CACNA1C: variants seen among roughly 807,000 people sequenced by gnomAD.
The protein encoded by CACNA1C is voltage-dependent L-type calcium channel subunit alpha-1C.
CACNA1C carries 30 observed loss-of-function variants against 229.0 expected under a neutral mutation model. The ratio of observed to expected loss-of-function variants is 0.13; its 90% CI spans 0.10 to 0.18. The LOEUF (loss-of-function observed/expected upper bound fraction) is 0.18, where lower values mean the gene tolerates loss of function less well. Among genes scored for constraint, CACNA1C ranks in the 10% least tolerant of loss-of-function variants. The pLI is 1.00. For missense variants in CACNA1C, 1,658 were observed against 2,845.0 expected (o/e 0.58, Z 9.49); for synonymous variants, 1,114 against 1,132.5 (o/e 0.98, Z 0.33).
intron 1 of CACNA1C, among the ~76,000 whole-genome samples, chr12:2,106,021 C>T (rs1484203171): frequency 2.2e-5 from 1 of 45,372 alleles, no homozygotes. Context: ...GGAGGGTTTC[C>T]ACCTCAGCTG....
At chr12:2,137,821 G>C (rs1057238243) in intron 3 of CACNA1C, among the ~76,000 whole-genome samples, 1 of 151,442 alleles carries the variant, frequency 6.6e-6, no homozygotes, top group Non-Finnish European at 1.5e-5. Context: ...GATGGGTGGT[G>C]AGTGGTGTGG....
chr12:2,542,572 G>A (rs1314490815), intron 9 of CACNA1C, among the ~76,000 whole-genome samples: 1 of 152,164 alleles, frequency 6.6e-6, no homozygotes, highest in East Asian at 1.9e-4. Flanking sequence ...CCCTCAGAGG[G>A]TTTGCTAACC....
chr12:2,577,551 G>C (rs1211566766), intron 13 of CACNA1C, among the ~76,000 whole-genome samples: 1 of 152,218 alleles, frequency 6.6e-6, no homozygotes, highest in Non-Finnish European at 1.5e-5. Flanking sequence ...GAATAGGAAG[G>C]CTATGGGAGC....
intron 5 of CACNA1C, among the ~76,000 whole-genome samples, chr12:2,470,823 G>A (rs1395989590): frequency 6.6e-6 from 1 of 152,130 alleles, no homozygotes; most frequent in Non-Finnish European, 1.5e-5. Flanking sequence ...GATCAGAGAA[G>A]GGGACCTTCT....
At chr12:2,587,604 TA>T (rs936229743) in intron 18 of CACNA1C, among the ~76,000 whole-genome samples, 4 of 151,122 alleles carry the variant, frequency 2.6e-5, no homozygotes, top group South Asian at 2.1e-4. Flanking sequence ...ATGTTAATTT[TA>T]AAAAAAAAGG....
intron 3 of CACNA1C, among the ~76,000 whole-genome samples, chr12:2,362,211 C>T (rs10848652): frequency 0.051 from 7,828 of 152,144 alleles, 415 homozygotes; most frequent in African/African-American, 0.14. Context: ...TCTGAGGGGG[C>T]GTGAAGGCCA....
At chr12:2,353,109 C>T (rs895053451) in intron 3 of CACNA1C, among the ~76,000 whole-genome samples, 20 of 152,252 alleles carry the variant, frequency 1.3e-4, no homozygotes, top group African/African-American at 1.7e-4. Flanking sequence ...GAATTGGCAC[C>T]GAAGCAGGTC....
At chr12:2,112,150 C>T (rs904368032) in intron 1 of CACNA1C, among the ~76,000 whole-genome samples, 4 of 152,192 alleles carry the variant, frequency 2.6e-5, no homozygotes, top group African/African-American at 4.8e-5. Context: ...TCGCCCCATT[C>T]TGTGACCTTT....
chr12:2,549,651 T>G (rs2099893059), intron 9 of CACNA1C, among the ~76,000 whole-genome samples: 1 of 152,120 alleles, frequency 6.6e-6, no homozygotes, highest in African/African-American at 2.4e-5. Context: ...AGAGGAGAGA[T>G]TCAATGGTCA....
At chr12:2,145,150 A>G (rs1008831437) in intron 3 of CACNA1C, among the ~76,000 whole-genome samples, 1 of 151,430 alleles carries the variant, frequency 6.6e-6, no homozygotes, top group African/African-American at 2.4e-5. Flanking sequence ...CCTATTAGCA[A>G]GACTTTAAAT....
intron 3 of CACNA1C, among the ~76,000 whole-genome samples, chr12:2,402,312 C>T (rs921275536): frequency 6.6e-6 from 1 of 152,264 alleles, no homozygotes; most frequent in Non-Finnish European, 1.5e-5. Flanking sequence ...TTGAGCGCCA[C>T]GTGCAACGTG....
intron 3 of CACNA1C, among the ~76,000 whole-genome samples, chr12:2,376,405 G>A (rs2098069035): frequency 6.6e-6 from 1 of 152,110 alleles, no homozygotes; most frequent in African/African-American, 2.4e-5. Flanking sequence ...GAGGAGGGGG[G>A]CAAATAGCAC....
chr12:2,243,284 C>T (rs1455176312), intron 3 of CACNA1C, among the ~76,000 whole-genome samples: 1 of 152,144 alleles, frequency 6.6e-6, no homozygotes, highest in Non-Finnish European at 1.5e-5. Context: ...AAGTCTAGTG[C>T]AGAGAGGCCC....
chr12:2,281,980 A>G (rs1488301029), intron 3 of CACNA1C, among the ~76,000 whole-genome samples: 1 of 150,622 alleles, frequency 6.6e-6, no homozygotes, highest in Admixed American at 6.6e-5. Context: ...TTTTTTTTCT[A>G]TGTCCTTCAT....
At chr12:2,497,557 A>G (rs2099749251) in intron 7 of CACNA1C, among the ~76,000 whole-genome samples, 1 of 152,104 alleles carries the variant, frequency 6.6e-6, no homozygotes, top group African/African-American at 2.4e-5. Context: ...TGGGATCCCC[A>G]AGAATGTTGC....
rs1338689646 is a variant in CACNA1C, at chr12:2,468,465, C to CTAAATTTG, written c.757+10759_757+10760insTAAATTTG. ...TGGTCTAGAAACACAGGGACGTTAT[C>CTAAATTTG]CCTAATTTAGAGATAGGCAAATCCA... On this transcript the variant is annotated intron_variant, in intron 5 of 46. Transcript: ENST00000399655. Among the ~76,000 whole-genome samples, 1,377 of 152,296 alleles carry CTAAATTTG rather than the reference C, an allele frequency of 9.0e-3. 21 individuals are homozygous for CTAAATTTG. The highest frequency in any genetic ancestry group is 0.031 in the African/African-American group (1,308 of 41,546).
upstream of CACNA1C, chr12:2,052,959 G>A (rs995273402): frequency 1.0e-6 from 1 of 979,710 alleles, no homozygotes; most frequent in African/African-American, 1.8e-5. Context: ...GCCGGGGGGA[G>A]TGAGCGCGGC....
At chr12:2,461,587 C>G (rs370344402) in intron 5 of CACNA1C, among the ~76,000 whole-genome samples, 1 of 152,170 alleles carries the variant, frequency 6.6e-6, no homozygotes. Context: ...CTGCCGACTC[C>G]GTTCCTCTCC....
chr12:2,406,306 A>G (rs2098736685), intron 3 of CACNA1C, among the ~76,000 whole-genome samples: 2 of 152,296 alleles, frequency 1.3e-5, no homozygotes, highest in African/African-American at 2.4e-5. Flanking sequence ...GTCTTTTGCT[A>G]AGAAATTTTC....
Sources: gnomAD v4.1 joint callset for allele counts (sites outside exome capture counted in the v4.1 genomes callset) on GRCh38, gnomAD v4.1.1 for gene constraint, MANE v1.5 for transcripts, NCBI Gene and HGNC (gene_info 2026-07-23, HGNC 2026-07-21) for gene names.